The following ANTXR1 variants were observed in gnomAD, a reference collection of about 807,000 sequenced individuals.
ANTXR1 encodes anthrax toxin receptor 1.
In ANTXR1, 19 loss-of-function variants were observed where a neutral mutation model predicts 78.1. That is an observed-to-expected ratio of 0.24 (90% CI 0.17 to 0.36). The LOEUF (loss-of-function observed/expected upper bound fraction) is 0.36, where lower values mean the gene tolerates loss of function less well. Among genes scored for constraint, ANTXR1 ranks in the 10% least tolerant of loss-of-function variants. The pLI is 1.00. For synonymous variants in ANTXR1, 273 were observed against 260.5 expected (o/e 1.05, Z -0.46); for missense variants, 518 against 718.6 (o/e 0.72, Z 3.19).
intron 10 of ANTXR1, among the ~76,000 whole-genome samples, chr2:69,118,817 T>C (rs1274502230): frequency 6.6e-6 from 1 of 152,152 alleles, no homozygotes; most frequent in African/African-American, 2.4e-5. Flanking sequence ...ACCTGAGTTA[T>C]GGAAACCAAA....
intron 17 of ANTXR1, 115 bp downstream of exon 17, chr2:69,193,530 A>C: frequency 1.0e-6 from 1 of 976,794 alleles, no homozygotes; most frequent in East Asian, 2.6e-5. Flanking sequence ...AGCTAAAATA[A>C]CTTTGGATTC....
Position 69,070,657 on chromosome 2 carries a change from C to T in ANTXR1, c.307C>T (p.Arg103Cys), listed in dbSNP as rs777366897. 50 of 1,613,860 alleles carry T rather than the reference C, an allele frequency of 3.1e-5. No homozygotes were observed. The Admixed American group carries it at 6.3e-4, about 20-fold the overall frequency. Residue 103 changes from arginine (R) to cysteine (C), a missense_variant, in exon 4 of 18, where the codon CGT becomes TGT. Transcript: ENST00000303714. ...MKLTEDREQI[R>C]QGLEELQKVL... ...GTCTTTGGATTTCAGAGAACAAATC[C>T]GTCAAGGCCTAGAAGAACTCCAGAA...
intron 10 of ANTXR1, among the ~76,000 whole-genome samples, chr2:69,119,694 A>G (rs76100598): frequency 0.025 from 3,872 of 152,266 alleles, 170 homozygotes; most frequent in African/African-American, 0.088. Flanking sequence ...CGAGGTTGTC[A>G]TTACAAGGAA....
chr2:69,199,091 A>T (rs867537130), intron 17 of ANTXR1, among the ~76,000 whole-genome samples: 2 of 152,226 alleles, frequency 1.3e-5, no homozygotes, highest in South Asian at 2.1e-4. Flanking sequence ...CCAAACACGG[A>T]TAAGACAAAT....
chr2:69,217,011 C>T (rs975471915), intron 17 of ANTXR1, among the ~76,000 whole-genome samples: 1 of 152,316 alleles, frequency 6.6e-6, no homozygotes. Context: ...ACTGTGTGAA[C>T]TGATCTGCTG....
intron 9 of ANTXR1, among the ~76,000 whole-genome samples, chr2:69,096,150 C>T (rs1055448243): frequency 1.3e-5 from 2 of 151,348 alleles, no homozygotes; most frequent in African/African-American, 4.9e-5. Context: ...CCCAGCTACT[C>T]GGGAGGCTGA....
chr2:69,097,724 A>G (rs547448684), intron 9 of ANTXR1, among the ~76,000 whole-genome samples: 1 of 152,262 alleles, frequency 6.6e-6, no homozygotes, highest in Admixed American at 6.5e-5. Flanking sequence ...CAGCCATTCC[A>G]CTCCGAGGTT....
At chr2:69,233,398 G>A (rs1337944446) in intron 17 of ANTXR1, among the ~76,000 whole-genome samples, 1 of 151,486 alleles carries the variant, frequency 6.6e-6, no homozygotes, top group Non-Finnish European at 1.5e-5. Flanking sequence ...TCAAAAGTTT[G>A]TTTCAGAAAT....
At chr2:69,054,213 C>A (rs6546477) in intron 3 of ANTXR1, among the ~76,000 whole-genome samples, 49,480 of 151,972 alleles carry the variant, frequency 0.33, 13,154 homozygotes, top group African/African-American at 0.71. Context: ...TGGCCACTGT[C>A]ATGTGAAAGT....
intron 3 of ANTXR1, among the ~76,000 whole-genome samples, chr2:69,062,199 G>A (rs1330528800): frequency 6.6e-6 from 1 of 152,124 alleles, no homozygotes; most frequent in African/African-American, 2.4e-5. Flanking sequence ...GCCAGAAGGA[G>A]GCTTTAGAAT....
chr2:69,189,787 T>C (rs1278641455), intron 16 of ANTXR1, among the ~76,000 whole-genome samples: 2 of 152,146 alleles, frequency 1.3e-5, no homozygotes, highest in African/African-American at 2.4e-5. Flanking sequence ...CTGGAGAGAT[T>C]GGTGGTGCCA....
chr2:69,153,702 A>G, intron 13 of ANTXR1, among the ~76,000 whole-genome samples: 1 of 152,260 alleles, frequency 6.6e-6, no homozygotes, highest in Non-Finnish European at 1.5e-5. Context: ...AGTCTAGAAA[A>G]AGAAAAGAAA....
intron 5 of ANTXR1, among the ~76,000 whole-genome samples, 193 bp from the exon 6 acceptor site, chr2:69,072,829 C>G (rs1240349940): frequency 3.9e-5 from 6 of 152,230 alleles, no homozygotes; most frequent in Non-Finnish European, 7.3e-5. Context: ...AAAACCTATT[C>G]CCCCTAAAGT....
At chr2:69,065,521 G>C (rs534218055) in intron 3 of ANTXR1, among the ~76,000 whole-genome samples, 1 of 151,220 alleles carries the variant, frequency 6.6e-6, no homozygotes, top group South Asian at 2.1e-4. Flanking sequence ...TCCTACAAAT[G>C]TTAAAATATA....
intron 17 of ANTXR1, among the ~76,000 whole-genome samples, chr2:69,227,984 CAG>C (rs947272800): frequency 2.6e-5 from 4 of 152,164 alleles, no homozygotes; most frequent in African/African-American, 7.2e-5. Context: ...CAGTGAAACT[CAG>C]GGGTTCTACT....
intron 17 of ANTXR1, among the ~76,000 whole-genome samples, chr2:69,237,886 A>G (rs1042253517): frequency 5.9e-5 from 9 of 152,184 alleles, no homozygotes; most frequent in African/African-American, 2.2e-4. Context: ...ACGTGTATGA[A>G]TTTTACATGG....
At chr2:69,073,256 G>A (rs1256899138) in intron 6 of ANTXR1, among the ~76,000 whole-genome samples, 155 bp downstream of exon 6, 5 of 152,002 alleles carry the variant, frequency 3.3e-5, no homozygotes, top group African/African-American at 9.7e-5. Flanking sequence ...ATAATAATTC[G>A]TGTTCTACAA....
chr2:69,041,472 G>C (rs1474402509), intron 2 of ANTXR1, among the ~76,000 whole-genome samples: 2 of 152,188 alleles, frequency 1.3e-5, no homozygotes, highest in African/African-American at 4.8e-5. Context: ...TGTCTCATTT[G>C]CTCTTCTGGG....
intron 3 of ANTXR1, among the ~76,000 whole-genome samples, chr2:69,059,789 C>G (rs4467309): frequency 6.6e-6 from 1 of 152,034 alleles, no homozygotes; most frequent in Non-Finnish European, 1.5e-5. Flanking sequence ...TTCACTTTAT[C>G]TTGGTGGTCT....
Sources: gnomAD v4.1 joint callset for allele counts (sites outside exome capture counted in the v4.1 genomes callset) on GRCh38, gnomAD v4.1.1 for gene constraint, MANE v1.5 for transcripts, NCBI Gene and HGNC (gene_info 2026-07-23, HGNC 2026-07-21) for gene names.